Variants in FAHD1 observed in about 807,000 individuals in gnomAD.
FAHD1 encodes oxaloacetate tautomerase FAHD1, mitochondrial.
In FAHD1, 14 loss-of-function variants were observed where a neutral mutation model predicts 12.7. The ratio of observed to expected loss-of-function variants is 1.10; its 90% CI spans 0.73 to 1.72. FAHD1 has a LOEUF of 1.72. Among genes scored for constraint, FAHD1 ranks in the 40% most tolerant of loss-of-function variants. FAHD1 has a pLI of 0.00. For missense variants in FAHD1, 351 were observed against 298.9 expected, an observed-to-expected ratio of 1.17 and a Z score of -1.29; for synonymous variants, 153 against 124.9, an observed-to-expected ratio of 1.22 and a Z score of -1.50.
downstream of FAHD1, among the ~76,000 whole-genome samples, chr16:1,831,899 C>A (rs3895165): frequency 1.0e-3 from 157 of 152,038 alleles, 1 homozygote; most frequent in African/African-American, 3.7e-3. Context: ...AAACCATCCC[C>A]GCCCCCCGAC....
At chr16:1,828,964 C>G, downstream of FAHD1, 1 of 989,582 alleles carries the variant, frequency 1.0e-6, no homozygotes, top group Non-Finnish European at 1.2e-6. Context: ...AGGGATATTT[C>G]CTCCTTGTGG....
At chr16:1,835,340 G>A (rs1387801159) in intron 1 of FAHD1, among the ~76,000 whole-genome samples, 3 of 152,038 alleles carry the variant, frequency 2.0e-5, no homozygotes, top group African/African-American at 7.2e-5. Context: ...ACTTTAAGCT[G>A]TAGCAGGGAC....
exon 1 of FAHD1, chr16:1,828,559 C>G: frequency 2.0e-6 from 2 of 1,000,140 alleles, no homozygotes; most frequent in Non-Finnish European, 2.4e-6. Flanking sequence ...AAGTTATGTT[C>G]CAGATAACTT....
downstream of FAHD1, among the ~76,000 whole-genome samples, chr16:1,833,515 A>C (rs1296518417): frequency 2.7e-5 from 4 of 147,232 alleles, no homozygotes; most frequent in East Asian, 8.2e-4. Context: ...TCAGATGACG[A>C]GTCACCACCC....
At chr16:1,835,520 A>G (rs1318833073) in intron 1 of FAHD1, among the ~76,000 whole-genome samples, 1 of 152,212 alleles carries the variant, frequency 6.6e-6, no homozygotes, top group South Asian at 2.1e-4. Context: ...AAAAGTACCA[A>G]CATCAGGGAA....
intron 1 of FAHD1, chr16:1,834,487 A>C: frequency 1.7e-6 from 1 of 579,408 alleles, no homozygotes; most frequent in Non-Finnish European, 3.1e-6. Flanking sequence ...TACAGATACT[A>C]ATATAAACTT....
chr16:1,839,866 G>A (rs1469046306), exon 3 of FAHD1: 1 of 155,040 alleles, frequency 6.4e-6, no homozygotes, highest in African/African-American at 2.4e-5. Context: ...CAGGAACTGT[G>A]TCTTGTGCCT....
chr16:1,837,618 A>C (rs1311181109), intron 1 of FAHD1: 2 of 473,080 alleles, frequency 4.2e-6, no homozygotes, highest in Non-Finnish European at 7.6e-6. Flanking sequence ...ATATGAAAAA[A>C]CCCCTGGCTA....
chr16:1,830,436 G>A (rs189067991), downstream of FAHD1, among the ~76,000 whole-genome samples: 67 of 152,306 alleles, frequency 4.4e-4, no homozygotes, highest in African/African-American at 1.4e-3. Flanking sequence ...CCAGGTACAC[G>A]GTTCAGCTGA....
rs912896729 is a variant in FAHD1, at chr16:1,827,310, C to A, written c.72C>A (p.Tyr24Ter). Residue 24 changes from tyrosine (Y) to a stop codon, truncating the protein, a stop_gained, in exon 1 of 1, where the codon TAC becomes TAA. Coordinates refer to ENST00000427358, the Ensembl canonical transcript of FAHD1. LOFTEE classifies it high-confidence loss of function. ...ACATCGTCTGCGTGGGGAGGAACTA[C>A]GCGGACCACGTCAGGGAGATGCGCA... The A allele has an allele frequency of 6.2e-7, 1 of 1,613,240 alleles. No individual in the cohort carries two copies. The highest frequency in any genetic ancestry group is 1.7e-5 in the Admixed American group (1 of 60,028).
downstream of FAHD1, among the ~76,000 whole-genome samples, chr16:1,830,915 T>TCTACAC (rs1326026830): frequency 5.3e-5 from 2 of 37,564 alleles, no homozygotes; most frequent in East Asian, 8.3e-4. Context: ...TCTCTCTCTC[T>TCTACAC]ATACACACAC....
chr16:1,827,223 G>A (rs1898486798), exon 1 of FAHD1: 2 of 1,595,020 alleles, frequency 1.3e-6, no homozygotes, highest in African/African-American at 2.7e-5. Flanking sequence ...GACTACAGGG[G>A]CACTTGATGG....
rs1195446781 is a variant in FAHD1, at chr16:1,834,428, G to C, written c.628-3588G>C. The C allele has an allele frequency of 4.5e-6, 4 of 884,266 alleles. No individual in the cohort carries two copies. In the Admixed American group the frequency reaches 6.2e-5, roughly 14 times the overall value. 54.8% of individuals were successfully genotyped at this position (884,266 alleles called of 1,614,324 possible). Reference sequence around the variant, plus strand: ...TTTTTAAAATCCCCTTGTATATCAAGTTGAAAAATCAATGATCACGAATAG... The same window carrying C: ...TTTTTAAAATCCCCTTGTATATCAACTTGAAAAATCAATGATCACGAATAG... On this transcript the variant is annotated intron_variant, in intron 1 of 2. Coordinates refer to the FAHD1 transcript ENST00000382666.
At chr16:1,835,360 G>A (rs1168831401) in intron 1 of FAHD1, among the ~76,000 whole-genome samples, 3 of 152,124 alleles carry the variant, frequency 2.0e-5, no homozygotes, top group Admixed American at 1.3e-4. Context: ...CTCAATCTGT[G>A]AGACTACAGG....
In FAHD1 at chr16:1,839,192, T is replaced by A. The variant is rs1006841168; in HGVS notation, c.*9-70T>A. The A allele has an allele frequency of 5.5e-6, 8 of 1,465,608 alleles. No individual in the cohort carries two copies. In the Middle Eastern group the frequency reaches 7.2e-4, roughly 132 times the overall value. The allele number at this position is 1,465,608 out of a possible 1,614,324, so 90.8% of individuals were successfully genotyped here. A position where few individuals can be genotyped will look rare whatever the true frequency, so the allele number is the denominator to read the frequency against. On this transcript the variant is annotated intron_variant, in intron 2 of 2. Transcript: ENST00000382666. ...AAATGTTTGACAAAACAACCTATAT[T>A]TTTTTGGGAAAAAGCATTCACTTTG...
intron 1 of FAHD1, chr16:1,834,438 CA>C: frequency 1.2e-6 from 1 of 804,840 alleles, no homozygotes; most frequent in Non-Finnish European, 2.1e-6. Flanking sequence ...GTTGAAAAAT[CA>C]ATGATCACGA....
At chr16:1,835,536 G>T (rs186938) in intron 1 of FAHD1, among the ~76,000 whole-genome samples, 66,995 of 151,942 alleles carry the variant, frequency 0.44, 15,323 homozygotes, top group South Asian at 0.65. Context: ...GGGAAAACTG[G>T]GAAAGACTTT....
At chr16:1,834,340 A>G (rs770471538) in intron 1 of FAHD1, 1 of 1,610,892 alleles carries the variant, frequency 6.2e-7, no homozygotes, top group East Asian at 2.2e-5. Context: ...TTTTCAATCC[A>G]CTCCTTGCTC....
Position 1,838,199 on chromosome 16 carries a change from T to C in FAHD1, c.*8+65T>C, listed in dbSNP as rs1167158685. 7 of 461,944 alleles carry C rather than the reference T, an allele frequency of 1.5e-5. No homozygotes were observed. The East Asian group carries it at 2.2e-4, about 15-fold the overall frequency. 28.6% of individuals were successfully genotyped at this position (461,944 alleles called of 1,614,324 possible). On this transcript the variant is annotated intron_variant, in intron 2 of 2. Transcript: ENST00000382666. ...ATGTTTTGTAGAGACAGGGTCTCAC[T>C]ATGTTGCCCAGGGTGATCTTGAACT... is the stretch of plus-strand genomic sequence containing the variant.
Sources: gnomAD v4.1 joint callset for allele counts (sites outside exome capture counted in the v4.1 genomes callset) on GRCh38, gnomAD v4.1.1 for gene constraint, MANE v1.5 for transcripts, NCBI Gene and HGNC (gene_info 2026-07-23, HGNC 2026-07-21) for gene names.